Variants in THSD4 observed in about 807,000 individuals in gnomAD.
THSD4 encodes thrombospondin type-1 domain-containing protein 4.
THSD4 carries 69 observed loss-of-function variants against 119.0 expected under a neutral mutation model. That is an observed-to-expected ratio of 0.58 (90% CI 0.48 to 0.71). The LOEUF is 0.71. Among genes scored for constraint, THSD4 ranks in the 30% least tolerant of loss-of-function variants. The pLI is 0.00. For synonymous variants in THSD4, 524 were observed against 540.4 expected, an observed-to-expected ratio of 0.97 and a Z score of 0.42; for missense variants, 1,393 against 1,391.1, an observed-to-expected ratio of 1.00 and a Z score of -0.02.
At chr15:71,736,273 C>A (rs1232094093) in intron 10 of THSD4, among the ~76,000 whole-genome samples, 1 of 151,032 alleles carries the variant, frequency 6.6e-6, no homozygotes, top group Non-Finnish European at 1.5e-5. Flanking sequence ...CTCTGTCTCA[C>A]ACTCTGTCTC....
At chr15:71,349,418 T>A (rs1482860983) in intron 6 of THSD4, among the ~76,000 whole-genome samples, 2 of 152,224 alleles carry the variant, frequency 1.3e-5, no homozygotes, top group African/African-American at 4.8e-5. Context: ...CACGAGCCTG[T>A]TCACTTCTCC....
intron 7 of THSD4, among the ~76,000 whole-genome samples, chr15:71,415,467 CAA>C (rs1242458885): frequency 6.6e-6 from 1 of 152,168 alleles, no homozygotes; most frequent in Non-Finnish European, 1.5e-5. Flanking sequence ...TACAGGCAAA[CAA>C]TATATAATAA....
At chr15:71,509,997 T>C (rs1412195766) in intron 7 of THSD4, among the ~76,000 whole-genome samples, 1 of 152,228 alleles carries the variant, frequency 6.6e-6, no homozygotes, top group Non-Finnish European at 1.5e-5. Flanking sequence ...TAGGAATCAT[T>C]CTAATATCCA....
chr15:71,757,796 CA>C, intron 14 of THSD4, 105 bp from the exon 15 acceptor site: 1 of 1,433,964 alleles, frequency 7.0e-7, no homozygotes, highest in East Asian at 2.3e-5. Flanking sequence ...CTAGGGGAAA[CA>C]GACGGCAGGA....
chr15:71,636,911 G>T (rs1286053559), intron 7 of THSD4, among the ~76,000 whole-genome samples: 1 of 151,442 alleles, frequency 6.6e-6, no homozygotes, highest in Non-Finnish European at 1.5e-5. Context: ...TTGAGACAAG[G>T]TCTCACTCTG....
chr15:71,698,603 G>A (rs1258924582), intron 8 of THSD4, among the ~76,000 whole-genome samples: 3 of 143,928 alleles, frequency 2.1e-5, no homozygotes, highest in East Asian at 4.1e-4. Context: ...ATTTATAGAC[G>A]AATGGATGAA....
intron 6 of THSD4, among the ~76,000 whole-genome samples, chr15:71,391,080 G>C (rs1192213519): frequency 2.0e-5 from 3 of 149,122 alleles, no homozygotes; most frequent in African/African-American, 7.4e-5. Flanking sequence ...CCAGGCTGGA[G>C]TGCAGTGGCA....
At chr15:71,345,382 C>T (rs2045641391) in intron 6 of THSD4, among the ~76,000 whole-genome samples, 1 of 152,116 alleles carries the variant, frequency 6.6e-6, no homozygotes, top group Non-Finnish European at 1.5e-5. Flanking sequence ...CCCCGGGCTG[C>T]CTGTGAGAGG....
chr15:71,720,377 A>T (rs149953882), intron 8 of THSD4, among the ~76,000 whole-genome samples: 2,448 of 152,276 alleles, frequency 0.016, 65 homozygotes, highest in African/African-American at 0.057. Flanking sequence ...TTAAAATAGG[A>T]GAACTCCTAG....
intron 6 of THSD4, among the ~76,000 whole-genome samples, chr15:71,275,540 A>G (rs569977352): frequency 1.3e-5 from 2 of 152,324 alleles, no homozygotes; most frequent in South Asian, 2.1e-4. Context: ...TGATCAGTGA[A>G]TATGCAACTT....
At chr15:71,388,199 T>C (rs2046318220) in intron 6 of THSD4, among the ~76,000 whole-genome samples, 2 of 152,212 alleles carry the variant, frequency 1.3e-5, no homozygotes, top group Non-Finnish European at 2.9e-5. Context: ...TTTTTAACAC[T>C]CTTGAGGGCT....
At chr15:71,283,142 T>G (rs937796424) in intron 6 of THSD4, among the ~76,000 whole-genome samples, 9 of 152,126 alleles carry the variant, frequency 5.9e-5, no homozygotes, top group African/African-American at 1.9e-4. Flanking sequence ...GTTAATGTTT[T>G]GTATTTTTAG....
chr15:71,394,430 G>A (rs1348488779), intron 6 of THSD4, among the ~76,000 whole-genome samples: 3 of 152,054 alleles, frequency 2.0e-5, no homozygotes, highest in Non-Finnish European at 4.4e-5. Flanking sequence ...GTGCCACCAC[G>A]GCCGGCTAAT....
At chr15:71,354,167 T>C (rs1428066325) in intron 6 of THSD4, among the ~76,000 whole-genome samples, 1 of 152,172 alleles carries the variant, frequency 6.6e-6, no homozygotes, top group East Asian at 1.9e-4. Context: ...GTGGTGGCAT[T>C]TACCTGTAGT....
intron 6 of THSD4, among the ~76,000 whole-genome samples, chr15:71,260,324 G>A (rs2044376422): frequency 6.6e-6 from 1 of 152,066 alleles, no homozygotes; most frequent in Admixed American, 6.6e-5. Flanking sequence ...TCAAACATAG[G>A]TAAAAGTAGG....
chr15:71,190,493 C>T (rs1050960594), intron 3 of THSD4, among the ~76,000 whole-genome samples: 2 of 152,192 alleles, frequency 1.3e-5, no homozygotes, highest in Non-Finnish European at 2.9e-5. Context: ...TGACAGCTAT[C>T]GGACTGAGGG....
intron 7 of THSD4, among the ~76,000 whole-genome samples, chr15:71,518,038 G>A (rs995210613): frequency 3.9e-5 from 6 of 152,188 alleles, no homozygotes; most frequent in Admixed American, 1.3e-4. Flanking sequence ...TAATTATCCA[G>A]AGATTCCAAA....
intron 7 of THSD4, among the ~76,000 whole-genome samples, chr15:71,556,216 T>G: frequency 6.6e-6 from 1 of 152,186 alleles, no homozygotes; most frequent in East Asian, 1.9e-4. Flanking sequence ...AGTCTATAGA[T>G]CAATATGAGA....
chr15:71,620,832 A>G (rs889601492), intron 7 of THSD4, among the ~76,000 whole-genome samples: 24 of 152,222 alleles, frequency 1.6e-4, no homozygotes, highest in African/African-American at 5.3e-4. Context: ...CTTAACTCTC[A>G]GGTGGGGTAG....
Sources: allele counts gnomAD v4.1 joint callset (sites outside exome capture counted in the v4.1 genomes callset), GRCh38; gene constraint gnomAD v4.1.1; transcripts MANE v1.5; gene names NCBI Gene and HGNC (gene_info 2026-07-23, HGNC 2026-07-21).